The following ROPN1L variants were observed in gnomAD, a reference collection of about 807,000 sequenced individuals.
The protein encoded by ROPN1L is rhophilin associated tail protein 1 like.
A neutral mutation model predicts 22.7 loss-of-function variants in ROPN1L; 23 were observed. The observed-to-expected ratio is 1.01, with a 90% CI of 0.73 to 1.43. The LOEUF is 1.43. Ranked by LOEUF, ROPN1L falls within the 40% of genes most tolerant of loss-of-function variation. The pLI, the probability that ROPN1L is intolerant of heterozygous loss-of-function variation, is 0.00. For missense variants in ROPN1L, 271 were observed against 291.5 expected (o/e 0.93, Z 0.51); for synonymous variants, 116 against 117.8 (o/e 0.98, Z 0.10).
intron 3 of ROPN1L, among the ~76,000 whole-genome samples, chr5:10,457,251 C>T (rs1013841670): frequency 3.9e-5 from 6 of 152,152 alleles, no homozygotes; most frequent in South Asian, 4.1e-4. Context: ...CAGGTGCAGC[C>T]GCCACCAGCA....
In ROPN1L at chr5:10,441,941, G is replaced by T; in HGVS notation, c.-227G>T. ...GGCGGCTGGCGCTAGGGAACTGCAG[G>T]GTCTAGGGTGTTGTCGGAGTGGCAG... On this transcript the variant is annotated 5_prime_UTR_variant, in exon 1 of 5. Transcript: ENST00000274134. The T allele has an allele frequency of 2.0e-6, 1 of 491,060 alleles. No homozygotes were observed. The highest frequency in any genetic ancestry group is 3.6e-6 in the Non-Finnish European group (1 of 274,238). 30.4% of individuals were successfully genotyped at this position (491,060 alleles called of 1,614,324 possible).
At chr5:10,476,533 A>G (rs1274143568), downstream of ROPN1L, among the ~76,000 whole-genome samples, 1 of 152,244 alleles carries the variant, frequency 6.6e-6, no homozygotes, top group Non-Finnish European at 1.5e-5. Context: ...GGATTTGAGA[A>G]GTCTGAGCTA....
Position 10,448,424 on chromosome 5 carries a change from G to A in ROPN1L, c.255+41G>A, listed in dbSNP as rs764477071. 1.4e-5 allele frequency: 22 copies of A among 1,612,158 alleles called. No homozygotes were observed. The Admixed American group carries it at 3.0e-4, about 22-fold the overall frequency. On this transcript the variant is annotated intron_variant, in intron 2 of 4. Coordinates refer to ENST00000274134, the MANE Select transcript of ROPN1L (RefSeq NM_031916.5). ...GTCTCTGGCCTCAGGCAGCTGGCCT[G>A]TGCTTTCCTTACCGTTCACTGTGCA...
At chr5:10,481,846 A>T in the ROPN1L span, 6 of 152,196 alleles carry the variant, frequency 3.9e-5, no homozygotes, top group Admixed American at 1.3e-4. Flanking sequence ...ATATTAGGTA[A>T]TAACCAAACC....
chr5:10,445,118 G>A (rs907041335), intron 1 of ROPN1L, among the ~76,000 whole-genome samples: 4 of 151,088 alleles, frequency 2.6e-5, no homozygotes, highest in South Asian at 2.2e-4. Flanking sequence ...TTACAGGTGC[G>A]TGCCACCACG....
chr5:10,479,817 C>T, the ROPN1L span, among the ~76,000 whole-genome samples: 3 of 152,064 alleles, frequency 2.0e-5, no homozygotes, highest in Admixed American at 2.0e-4. Flanking sequence ...ACGATCTCGG[C>T]TCACGCAACC....
intron 3 of ROPN1L, among the ~76,000 whole-genome samples, chr5:10,458,782 T>C (rs1278154575): frequency 2.3e-4 from 7 of 30,966 alleles, no homozygotes; most frequent in Non-Finnish European, 3.2e-4. Flanking sequence ...TGTACACCAT[T>C]CCCCCGTGTA....
At chr5:10,460,834 G>C (rs1193917826) in intron 3 of ROPN1L, among the ~76,000 whole-genome samples, 1 of 152,258 alleles carries the variant, frequency 6.6e-6, no homozygotes, top group Non-Finnish European at 1.5e-5. Flanking sequence ...ACGTCCCCGG[G>C]TGTGTCTCCG....
downstream of ROPN1L, among the ~76,000 whole-genome samples, chr5:10,466,709 C>CA (rs1194302668): frequency 2.0e-5 from 3 of 152,198 alleles, no homozygotes; most frequent in East Asian, 5.8e-4. Flanking sequence ...GCTTTTGTCT[C>CA]AAAAAGTGGG....
chr5:10,458,257 C>G (rs191586135), intron 3 of ROPN1L, among the ~76,000 whole-genome samples: 97 of 152,104 alleles, frequency 6.4e-4, no homozygotes, highest in Middle Eastern at 3.4e-3. Context: ...CTTTTCTTCA[C>G]TCACCAGCAG....
chr5:10,475,850 G>A (rs538514041), downstream of ROPN1L, among the ~76,000 whole-genome samples: 89 of 152,348 alleles, frequency 5.8e-4, no homozygotes, highest in South Asian at 2.7e-3. Context: ...CTTAAAGCAC[G>A]TAGAAGTTTA....
chr5:10,466,847 G>A (rs1735163496), downstream of ROPN1L, among the ~76,000 whole-genome samples: 1 of 152,184 alleles, frequency 6.6e-6, no homozygotes, highest in Admixed American at 6.5e-5. Flanking sequence ...TGTTTCGGAA[G>A]CAGAAGTCCA....
At chr5:10,469,468 T>C (rs1735212185), downstream of ROPN1L, among the ~76,000 whole-genome samples, 1 of 151,840 alleles carries the variant, frequency 6.6e-6, no homozygotes, top group African/African-American at 2.4e-5. Flanking sequence ...GCCTGGGCGA[T>C]AGAGTGAGAT....
intron 1 of ROPN1L, among the ~76,000 whole-genome samples, chr5:10,444,997 T>C (rs1741009448): frequency 6.6e-6 from 1 of 152,172 alleles, no homozygotes; most frequent in African/African-American, 2.4e-5. Context: ...ATTTTTTAGA[T>C]AGAGTCTTTT....
At chr5:10,478,595 T>C in the ROPN1L span, among the ~76,000 whole-genome samples, 1 of 152,200 alleles carries the variant, frequency 6.6e-6, no homozygotes, top group Non-Finnish European at 1.5e-5. Context: ...TGGTCTTCTC[T>C]GTGCGTACGA....
chr5:10,458,241 G>C (rs1734889879), intron 3 of ROPN1L, among the ~76,000 whole-genome samples: 1 of 151,866 alleles, frequency 6.6e-6, no homozygotes, highest in Non-Finnish European at 1.5e-5. Flanking sequence ...TCTCCACCAG[G>C]AAATGCTTTT....
At chr5:10,457,180 G>A (rs1741447947) in intron 3 of ROPN1L, among the ~76,000 whole-genome samples, 1 of 152,322 alleles carries the variant, frequency 6.6e-6, no homozygotes, top group Non-Finnish European at 1.5e-5. Flanking sequence ...CCTAGAGAGA[G>A]CATCATGTTG....
chr5:10,459,237 G>A (rs894541857), intron 3 of ROPN1L, among the ~76,000 whole-genome samples: 5 of 150,940 alleles, frequency 3.3e-5, no homozygotes, highest in East Asian at 3.9e-4. Context: ...GGCTGAGTCC[G>A]GCCCTTCCCA....
At chr5:10,448,489 A>G (rs1376175459) in intron 2 of ROPN1L, 106 bp downstream of exon 2, 2 of 1,334,756 alleles carry the variant, frequency 1.5e-6, no homozygotes, top group South Asian at 1.4e-5. Flanking sequence ...ATGTATTTCA[A>G]ACCTCCTGAG....
Sources: gnomAD v4.1 joint callset for allele counts (sites outside exome capture counted in the v4.1 genomes callset) on GRCh38, gnomAD v4.1.1 for gene constraint, MANE v1.5 for transcripts, NCBI Gene and HGNC (gene_info 2026-07-23, HGNC 2026-07-21) for gene names.